The following ZNF131 variants were observed in gnomAD, a reference collection of about 807,000 sequenced individuals.
ZNF131 encodes zinc finger protein 131.
In ZNF131, 7 loss-of-function variants were observed where a neutral mutation model predicts 60.0. The ratio of observed to expected loss-of-function variants is 0.12; its 90% confidence interval spans 0.07 to 0.22. The LOEUF is 0.22. ZNF131 is among the 10% of genes least tolerant of loss of function. ZNF131 has a pLI of 1.00. For synonymous variants in ZNF131, 257 were observed against 253.2 expected, an observed-to-expected ratio of 1.01 and a Z score of -0.14; for missense variants, 493 against 740.9, an observed-to-expected ratio of 0.67 and a Z score of 3.88.
At chr5:43,164,745 A>G (rs1017027429) in intron 5 of ZNF131, among the ~76,000 whole-genome samples, 2 of 152,158 alleles carry the variant, frequency 1.3e-5, no homozygotes, top group Non-Finnish European at 2.9e-5. Flanking sequence ...GTTAAAGTAC[A>G]TTATGTTGTA....
intron 5 of ZNF131, among the ~76,000 whole-genome samples, chr5:43,164,591 G>A (rs1197879393): frequency 6.6e-6 from 1 of 152,166 alleles, no homozygotes. Context: ...TGTGAAAGTA[G>A]CCGCAGTTAC....
intron 4 of ZNF131, among the ~76,000 whole-genome samples, chr5:43,141,988 C>T (rs1014478260): frequency 1.3e-5 from 2 of 151,918 alleles, no homozygotes; most frequent in African/African-American, 4.8e-5. Context: ...ACTTTTTCCC[C>T]CATGCATGAG....
At position 43,161,414 on chromosome 5, in the gene ZNF131, G is replaced by A. The variant is rs766273296; in HGVS notation, c.537G>A (p.Val179=). The A allele has an allele frequency of 6.8e-6, 11 of 1,614,112 alleles. No individual in the cohort carries two copies. The South Asian group carries it at 8.8e-5, about 13-fold the overall frequency. The change falls in exon 5 of 7, where the codon GTG becomes GTA. Residue 179 remains valine, a synonymous_variant. Coordinates refer to ENST00000682664, the MANE Select transcript of ZNF131 (RefSeq NM_001330707.2). ...EVEIAEGTIE[V]EDEGIETLEE... is the part of the protein sequence containing the mutation. Reference sequence around the variant, plus strand: ...AGATTGCCGAAGGCACCATTGAAGTGGAAGATGAAGGCATCGAAACATTAG... The same window carrying A: ...AGATTGCCGAAGGCACCATTGAAGTAGAAGATGAAGGCATCGAAACATTAG...
intron 3 of ZNF131, among the ~76,000 whole-genome samples, chr5:43,137,576 CA>C (rs35143949): frequency 2.2e-4 from 31 of 142,528 alleles, no homozygotes; most frequent in South Asian, 4.4e-4. Flanking sequence ...GGATGGCTAT[CA>C]AAAAAAAAAA....
chr5:43,123,513 CAGT>C (rs1289006071), intron 3 of ZNF131: 1 of 409,340 alleles, frequency 2.4e-6, no homozygotes, highest in African/African-American at 2.1e-5. Flanking sequence ...GTCTTACTTT[CAGT>C]GAAGTGCTTG....
intron 5 of ZNF131, among the ~76,000 whole-genome samples, chr5:43,169,307 GT>G (rs1561448310): frequency 6.6e-6 from 1 of 152,092 alleles, no homozygotes. Flanking sequence ...TAATTAATAT[GT>G]TTCTATTTCT....
In ZNF131 at chr5:43,129,904, C is replaced by T. The variant is rs905545058; in HGVS notation, c.226+6594C>T. Among the ~76,000 whole-genome samples the T allele has an allele frequency of 2.0e-5, 3 of 152,086 alleles. No homozygotes were observed. The South Asian group carries it at 6.2e-4, about 32-fold the overall frequency. On this transcript the variant is annotated intron_variant, in intron 3 of 6. Transcript: ENST00000682664. ...AACTCCTGACCTCGTGATCTGCCTG[C>T]CTCGGCCTCCCAAAGTGCTGGGATT...
Position 43,147,819 on chromosome 5 carries a change from C to T in ZNF131, c.371+8510C>T, listed in dbSNP as rs552397513. 9.2e-5 allele frequency among the ~76,000 whole-genome samples: 14 copies of T among 151,666 alleles called. No homozygotes were observed. The South Asian group carries it at 2.9e-3, about 32-fold the overall frequency. Reference sequence around the variant, plus strand: ...CCTGTAATCACAGCACTTTGGGATGCCGAGGCAGGTGGATCACCTGAGGTC... The same window carrying T: ...CCTGTAATCACAGCACTTTGGGATGTCGAGGCAGGTGGATCACCTGAGGTC... On this transcript the variant is annotated intron_variant, in intron 4 of 6. Transcript: ENST00000682664.
At chr5:43,141,292 A>G (rs17243086) in intron 4 of ZNF131, among the ~76,000 whole-genome samples, 14,769 of 152,240 alleles carry the variant, frequency 0.097, 849 homozygotes, top group East Asian at 0.19. Flanking sequence ...ATAGAGATGC[A>G]TTCTGAGGAT....
chr5:43,171,661 C>T (rs938896685), intron 5 of ZNF131, among the ~76,000 whole-genome samples: 5 of 152,238 alleles, frequency 3.3e-5, no homozygotes, highest in South Asian at 2.1e-4. Flanking sequence ...CTCGCTCTGT[C>T]GCCCAAGCTA....
Position 43,120,964 on chromosome 5 carries a change from C to T in ZNF131, c.-175C>T, listed in dbSNP as rs912718179. 1.3e-5 allele frequency: 2 copies of T among 152,172 alleles called. No individual in the cohort carries two copies. The highest frequency in any genetic ancestry group is 3.9e-4 in the East Asian group (2 of 5,166). The allele number at this position is 152,172 out of a possible 1,614,324, so 9.4% of individuals were successfully genotyped here. On this transcript the variant is annotated 5_prime_UTR_variant, in exon 1 of 7. Transcript: ENST00000682664. ...ACCGAACGCACGTGCGCCAGCGGGG[C>T]CCGAGCAGAAGGGGAGCCCCGGCTC...
At chr5:43,139,958 G>A (rs1746592194) in intron 4 of ZNF131, among the ~76,000 whole-genome samples, 1 of 152,210 alleles carries the variant, frequency 6.6e-6, no homozygotes, top group African/African-American at 2.4e-5. Context: ...GATTACGCCT[G>A]TAATCCCAGC....
chr5:43,174,300 A>G, intron 6 of ZNF131, 147 bp from the exon 7 acceptor site: 1 of 707,236 alleles, frequency 1.4e-6, no homozygotes, highest in Non-Finnish European at 2.2e-6. Flanking sequence ...ATTATGAAAT[A>G]GCTTGGACGA....
chr5:43,121,095 G>A lies in ZNF131; in HGVS notation c.-44G>A, dbSNP rs1213917387. ...ACGGAACAAGAGGCTCTGAGGGACG[G>A]AGAGGAAGGAGGGCGACCCACGAGC... On this transcript the variant is annotated 5_prime_UTR_variant, in exon 1 of 7. Coordinates refer to ENST00000682664, the MANE Select transcript of ZNF131 (RefSeq NM_001330707.2). The A allele has an allele frequency of 6.6e-6, 1 of 151,280 alleles. No individual in the cohort carries two copies. Among genetic ancestry groups the A allele is most frequent in the East Asian group, 2.0e-4 (1 of 5,026 alleles). The allele number at this position is 151,280 out of a possible 1,614,324, so 9.4% of individuals were successfully genotyped here.
At chr5:43,166,846 G>A (rs1000194851) in intron 5 of ZNF131, among the ~76,000 whole-genome samples, 2 of 151,832 alleles carry the variant, frequency 1.3e-5, no homozygotes, top group African/African-American at 4.8e-5. Flanking sequence ...TTTTAGTAGA[G>A]ACGGGGTTTC....
At chr5:43,172,008 G>A (rs1751053432) in intron 5 of ZNF131, among the ~76,000 whole-genome samples, 1 of 152,180 alleles carries the variant, frequency 6.6e-6, no homozygotes, top group Non-Finnish European at 1.5e-5. Context: ...GCCTCCCAAA[G>A]TGCTGCTGGG....
At chr5:43,153,065 G>T (rs1748522234) in intron 4 of ZNF131, among the ~76,000 whole-genome samples, 1 of 152,120 alleles carries the variant, frequency 6.6e-6, no homozygotes, top group African/African-American at 2.4e-5. Flanking sequence ...GGTACAAGAA[G>T]GGCAAGGACA....
intron 5 of ZNF131, among the ~76,000 whole-genome samples, chr5:43,165,305 T>C (rs1436856994): frequency 7.3e-6 from 1 of 136,172 alleles, no homozygotes; most frequent in Non-Finnish European, 1.6e-5. Context: ...TTGAGACCTC[T>C]CTCTTTGGCT....
At chr5:43,163,808 A>G (rs569413859) in intron 5 of ZNF131, among the ~76,000 whole-genome samples, 3 of 152,372 alleles carry the variant, frequency 2.0e-5, no homozygotes, top group African/African-American at 7.2e-5. Context: ...TACAGTATTC[A>G]GAATCTTTCT....
Sources: gnomAD v4.1 joint callset for allele counts (sites outside exome capture counted in the v4.1 genomes callset) on GRCh38, gnomAD v4.1.1 for gene constraint, MANE v1.5 for transcripts, NCBI Gene and HGNC (gene_info 2026-07-23, HGNC 2026-07-21) for gene names.